The following CACNA1C variants were observed in gnomAD, a reference collection of about 807,000 sequenced individuals.
CACNA1C encodes voltage-dependent L-type calcium channel subunit alpha-1C.
A neutral mutation model predicts 229.0 loss-of-function variants in CACNA1C; 30 were observed. That is an observed-to-expected ratio of 0.13 (90% CI 0.10 to 0.18). The LOEUF is 0.18. CACNA1C is among the 10% of genes least tolerant of loss of function. CACNA1C has a pLI of 1.00. For missense variants in CACNA1C, 1,658 were observed against 2,845.0 expected (o/e 0.58, Z 9.49); for synonymous variants, 1,114 against 1,132.5 (o/e 0.98, Z 0.33).
At chr12:1,975,213 T>C (rs1041530956) in intron 1 of CACNA1C, among the ~76,000 whole-genome samples, 1 of 152,162 alleles carries the variant, frequency 6.6e-6, no homozygotes, top group Non-Finnish European at 1.5e-5. Context: ...AAACCCTTTA[T>C]GTTTAAACAG....
At chr12:2,616,718 A>G (rs540461972) in intron 29 of CACNA1C, among the ~76,000 whole-genome samples, 3 of 152,352 alleles carry the variant, frequency 2.0e-5, no homozygotes, top group East Asian at 3.9e-4. Context: ...CAGAAATCTA[A>G]CAGCCGTGAG....
intron 32 of CACNA1C, among the ~76,000 whole-genome samples, chr12:2,652,308 T>C (rs914301141): frequency 2.0e-5 from 3 of 152,196 alleles, no homozygotes; most frequent in Non-Finnish European, 4.4e-5. Context: ...CAGGACTGCC[T>C]GGCCATGTGA....
intron 3 of CACNA1C, among the ~76,000 whole-genome samples, chr12:2,268,798 G>A (rs914460548): frequency 3.9e-5 from 6 of 152,168 alleles, no homozygotes; most frequent in East Asian, 1.9e-4. Flanking sequence ...ATTTAGTTCC[G>A]GAAGAGGCAA....
At chr12:2,420,026 T>C (rs1035413845) in intron 3 of CACNA1C, among the ~76,000 whole-genome samples, 1 of 151,814 alleles carries the variant, frequency 6.6e-6, no homozygotes, top group Non-Finnish European at 1.5e-5. Context: ...CGTAATGGGG[T>C]CACTTTGGCC....
At chr12:2,571,230 G>A (rs1181343113) in intron 13 of CACNA1C, among the ~76,000 whole-genome samples, 1 of 152,200 alleles carries the variant, frequency 6.6e-6, no homozygotes, top group Admixed American at 6.5e-5. Context: ...AGGCAGGTCT[G>A]TGGTCTGACT....
intron 13 of CACNA1C, among the ~76,000 whole-genome samples, chr12:2,568,738 C>T (rs952507123): frequency 6.6e-6 from 1 of 151,788 alleles, no homozygotes; most frequent in Non-Finnish European, 1.5e-5. Context: ...AGACAGAAAG[C>T]AGAATGGTGG....
At chr12:2,098,190 G>A (rs1370262049) in intron 1 of CACNA1C, among the ~76,000 whole-genome samples, 1 of 152,180 alleles carries the variant, frequency 6.6e-6, no homozygotes, top group African/African-American at 2.4e-5. Context: ...TATTTACCAA[G>A]GAATGACAGC....
chr12:2,376,464 C>T (rs948487981), intron 3 of CACNA1C, among the ~76,000 whole-genome samples: 1 of 152,032 alleles, frequency 6.6e-6, no homozygotes, highest in African/African-American at 2.4e-5. Context: ...TGGCACAGAG[C>T]CCTCACTCAT....
intron 3 of CACNA1C, among the ~76,000 whole-genome samples, chr12:2,393,973 T>A (rs564296231): frequency 6.6e-5 from 10 of 152,082 alleles, no homozygotes; most frequent in Non-Finnish European, 1.0e-4. Context: ...AAAAATTACC[T>A]GTGTCATGGG....
Position 2,457,754 on chromosome 12 carries a change from C to T in CACNA1C, c.757+48C>T, listed in dbSNP as rs780151974. 9.0e-6 allele frequency: 13 copies of T among 1,443,468 alleles called. No individual in the cohort carries two copies. In the African/African-American group the frequency reaches 1.6e-4, roughly 17 times the overall value. 89.4% of individuals were successfully genotyped at this position (1,443,468 alleles called of 1,614,324 possible). The stretch of plus-strand genomic sequence containing the variant: ...TACAGTGTTATCTCCTCACCACCTT[C>T]TGCTGTCCTTTGCTGAATTGCCAAG... On this transcript the variant is annotated intron_variant, in intron 5 of 46. Coordinates refer to ENST00000399655, the MANE Select transcript of CACNA1C (RefSeq NM_000719.7).
chr12:2,542,652 G>T (rs2099873709), intron 9 of CACNA1C, among the ~76,000 whole-genome samples: 2 of 152,196 alleles, frequency 1.3e-5, no homozygotes, highest in South Asian at 2.1e-4. Flanking sequence ...CAGCTGGTGT[G>T]CTTCCAGTTT....
rs2099705318 is a variant in CACNA1C, at chr12:2,488,438, C to T, written c.916+2176C>T. On this transcript the variant is annotated intron_variant, in intron 6 of 46. Coordinates refer to ENST00000399655, the MANE Select transcript of CACNA1C (RefSeq NM_000719.7). This position sits in a 1 kb window ranked among gnomAD's most constrained non-coding sequence, Gnocchi z 4.0. ...AGAGGTCGCCCCAACGCCCCAAGTA[C>T]CGAACCTGTCATGGCCTCCTCTTCT... Among the ~76,000 whole-genome samples, 1 of 152,186 alleles carries T rather than the reference C, an allele frequency of 6.6e-6. No homozygotes were observed. Among genetic ancestry groups the T allele is most frequent in the Non-Finnish European group, 1.5e-5 (1 of 68,030 alleles).
intron 3 of CACNA1C, among the ~76,000 whole-genome samples, chr12:2,301,375 G>T (rs1004047003): frequency 6.6e-6 from 1 of 152,208 alleles, no homozygotes; most frequent in Middle Eastern, 3.2e-3. Flanking sequence ...ATCAGGCAAG[G>T]TCTTAATTTG....
At chr12:2,114,848 A>G (rs1243447134) in intron 1 of CACNA1C, among the ~76,000 whole-genome samples, 1 of 152,134 alleles carries the variant, frequency 6.6e-6, no homozygotes, top group African/African-American at 2.4e-5. Context: ...ATTCGATTTC[A>G]TGAATATCCT....
chr12:2,453,282 A>G (rs1596701425), intron 4 of CACNA1C, among the ~76,000 whole-genome samples: 1 of 152,116 alleles, frequency 6.6e-6, no homozygotes, highest in East Asian at 1.9e-4. Flanking sequence ...GCATCTGGCT[A>G]ATCCCCCAGC....
chr12:2,513,684 A>G, intron 9 of CACNA1C, among the ~76,000 whole-genome samples: 1 of 152,222 alleles, frequency 6.6e-6, no homozygotes, highest in East Asian at 1.9e-4. Context: ...GGATCATGAA[A>G]ATTCAGGCTC....
chr12:2,106,425 C>T lies in CACNA1C; in HGVS notation c.50-8799C>T, dbSNP rs796162967. 8.7e-4 allele frequency among the ~76,000 whole-genome samples: 52 copies of T among 59,958 alleles called. 1 individual carries two copies. Among genetic ancestry groups the T allele is most frequent in the Admixed American group, 1.5e-3 (9 of 6,024 alleles). 39.3% of individuals were successfully genotyped at this position (59,958 alleles called of 152,430 possible). A position where few individuals can be genotyped will look rare whatever the true frequency, so the allele number is the denominator to read the frequency against. On this transcript the variant is annotated intron_variant, in intron 1 of 46. Coordinates refer to ENST00000399655, the MANE Select transcript of CACNA1C (RefSeq NM_000719.7). ...AGCTGGGCGTCCTGAAGCCACTGGGCGCCCACCCTGGGGAGGGTTTCCACC... is the reference window on the plus strand; with the variant it reads ...AGCTGGGCGTCCTGAAGCCACTGGGTGCCCACCCTGGGGAGGGTTTCCACC...
At chr12:2,456,957 C>G (rs1037355434) in intron 4 of CACNA1C, among the ~76,000 whole-genome samples, 2 of 152,222 alleles carry the variant, frequency 1.3e-5, no homozygotes, top group Non-Finnish European at 2.9e-5. Flanking sequence ...CAGCTCAGAC[C>G]TAAAGTGGCA....
At chr12:2,580,060 G>A (rs1219839717) in intron 13 of CACNA1C, among the ~76,000 whole-genome samples, 1 of 152,212 alleles carries the variant, frequency 6.6e-6, no homozygotes, top group Non-Finnish European at 1.5e-5. Context: ...ATACTGGGTT[G>A]TACAGAATTT....
Sources: gnomAD v4.1 joint callset for allele counts (sites outside exome capture counted in the v4.1 genomes callset) on GRCh38, gnomAD v4.1.1 for gene constraint, Gnocchi (gnomAD v3.1) non-coding constraint, MANE v1.5 for transcripts, NCBI Gene and HGNC (gene_info 2026-07-23, HGNC 2026-07-21) for gene names.